The following ANKRD28 variants were observed in gnomAD, a reference collection of about 807,000 sequenced individuals.
ANKRD28 encodes serine/threonine-protein phosphatase 6 regulatory ankyrin repeat subunit A.
ANKRD28 carries 44 observed loss-of-function variants against 126.5 expected under a neutral mutation model. That is an observed-to-expected ratio of 0.35 (90% CI 0.27 to 0.45). The LOEUF (loss-of-function observed/expected upper bound fraction) is 0.45, where lower values mean the gene tolerates loss of function less well. Among genes scored for constraint, ANKRD28 ranks in the 20% least tolerant of loss-of-function variants. The pLI is 1.00. For synonymous variants in ANKRD28, 442 were observed against 468.5 expected (o/e 0.94, Z 0.73); for missense variants, 1,110 against 1,316.6 (o/e 0.84, Z 2.43).
At chr3:15,800,022 G>A (rs192687774), upstream of ANKRD28, among the ~76,000 whole-genome samples, 63 of 152,172 alleles carry the variant, frequency 4.1e-4, no homozygotes, top group East Asian at 0.012. Context: ...TCTCTAATAA[G>A]TGAACAATTA....
rs917524113 is a variant in ANKRD28 at position 15,815,033 on chromosome 3, T to C, written c.28-19727A>G. On this transcript the variant is annotated intron_variant, in intron 1 of 27. Coordinates refer to the ANKRD28 transcript ENST00000399451. This position sits in a 1 kb window ranked among gnomAD's most constrained non-coding sequence, Gnocchi z 4.1. The stretch of plus-strand genomic sequence containing the variant: ...AATATGACATTCCATTCAAAAATAC[T>C]GTATTTAATTTCCTAAGAGTAAATA... Among the ~76,000 whole-genome samples, 5 of 151,554 alleles carry C rather than the reference T, an allele frequency of 3.3e-5. No homozygotes were observed. Among genetic ancestry groups the C allele is most frequent in the African/African-American group, 1.2e-4 (5 of 41,376 alleles).
intron 4 of ANKRD28, among the ~76,000 whole-genome samples, chr3:15,747,741 T>C (rs1489297004): frequency 6.6e-6 from 1 of 152,186 alleles, no homozygotes. Flanking sequence ...AGGTCCATTG[T>C]TTCTTTGTTG....
intron 1 of ANKRD28, among the ~76,000 whole-genome samples, chr3:15,820,135 A>G (rs1487519846): frequency 2.0e-5 from 3 of 152,208 alleles, no homozygotes; most frequent in Admixed American, 6.5e-5. Flanking sequence ...CAACATTTGT[A>G]CAGACTGGTA....
rs1451266363 is a variant in ANKRD28, at chr3:15,833,908, T to C, written c.27+25469A>G. Among the ~76,000 whole-genome samples the C allele has an allele frequency of 1.3e-5, 2 of 152,158 alleles. No individual in the cohort carries two copies. The highest frequency in any genetic ancestry group is 3.8e-4 in the East Asian group (2 of 5,206). ...ATGTCTTCTTTTGGAAAATGTCTGT[T>C]TGTGTTATTTGCCCATTTTTTAATG... On this transcript the variant is annotated intron_variant, in intron 1 of 27. Transcript: ENST00000399451. This position sits in a 1 kb window ranked among gnomAD's most constrained non-coding sequence, Gnocchi z 4.4.
At chr3:15,744,375 G>A (rs925336930) in intron 4 of ANKRD28, among the ~76,000 whole-genome samples, 5 of 151,560 alleles carry the variant, frequency 3.3e-5, no homozygotes, top group East Asian at 1.9e-4. Context: ...GCGCAATGGC[G>A]CGATCTTGGC....
intron 1 of ANKRD28, among the ~76,000 whole-genome samples, chr3:15,826,106 A>G (rs182387679): frequency 5.3e-4 from 80 of 152,330 alleles, no homozygotes; most frequent in African/African-American, 1.8e-3. Context: ...GAGAAACTGT[A>G]CAAAAAAAGA....
chr3:15,747,308 C>T (rs2057542546), intron 4 of ANKRD28, among the ~76,000 whole-genome samples: 1 of 151,876 alleles, frequency 6.6e-6, no homozygotes, highest in South Asian at 2.1e-4. Context: ...TGTGCTCTTT[C>T]AGACTTTTTG....
At chr3:15,785,848 A>T (rs1004074787) in intron 2 of ANKRD28, among the ~76,000 whole-genome samples, 3 of 152,114 alleles carry the variant, frequency 2.0e-5, no homozygotes, top group Non-Finnish European at 4.4e-5. Flanking sequence ...GTACATTCAG[A>T]TAATGGATTA....
chr3:15,796,364 T>C, intron 1 of ANKRD28, 41 bp downstream of exon 1: 1 of 1,158,652 alleles, frequency 8.6e-7, no homozygotes, highest in Non-Finnish European at 1.1e-6. Context: ...ATACTACTAG[T>C]TCAGTAGAAT....
intron 27 of ANKRD28, among the ~76,000 whole-genome samples, chr3:15,675,696 T>A (rs1479134081): frequency 1.3e-5 from 2 of 152,262 alleles, no homozygotes; most frequent in Admixed American, 1.3e-4. Flanking sequence ...CTGTAACAGA[T>A]GATATAGGAA....
chr3:15,741,148 G>A (rs776037603), intron 4 of ANKRD28, among the ~76,000 whole-genome samples: 1 of 151,948 alleles, frequency 6.6e-6, no homozygotes, highest in Non-Finnish European at 1.5e-5. Flanking sequence ...GCAGTGAGCC[G>A]AGATCGCGCC....
At chr3:15,736,028 A>T (rs2074993268) in intron 5 of ANKRD28, among the ~76,000 whole-genome samples, 1 of 152,216 alleles carries the variant, frequency 6.6e-6, no homozygotes, top group African/African-American at 2.4e-5. Context: ...ATAGGGATAC[A>T]TCTGTAACCT....
chr3:15,855,629 G>A (rs115215870), intron 1 of ANKRD28, among the ~76,000 whole-genome samples: 1,944 of 152,186 alleles, frequency 0.013, 18 homozygotes, highest in Non-Finnish European at 0.021. Context: ...CAACAGATTC[G>A]TGCACAACAT....
intron 1 of ANKRD28, among the ~76,000 whole-genome samples, chr3:15,826,979 C>G (rs558325351): frequency 2.2e-4 from 33 of 152,126 alleles, no homozygotes; most frequent in Non-Finnish European, 4.7e-4. Flanking sequence ...AGACATTTCT[C>G]AAATGAAGAC....
rs533377923 is a variant in ANKRD28 at position 15,817,230 on chromosome 3, C to T, written c.28-21924G>A. On this transcript the variant is annotated intron_variant, in intron 1 of 27. Transcript: ENST00000399451. The surrounding 1 kb of genome is among the most constrained non-coding windows in gnomAD (Gnocchi z 4.5). ...TTCTCACGCACAAACATTTCACATA[C>T]TGATGATTTTATCTTGTCAGTAGAA... 1.1e-3 allele frequency among the ~76,000 whole-genome samples: 173 copies of T among 151,872 alleles called. No individual in the cohort carries two copies. The highest frequency in any genetic ancestry group is 4.0e-3 in the African/African-American group (164 of 41,462).
At chr3:15,804,476 CATTCCATGT>C (rs2060535301) in intron 1 of ANKRD28, among the ~76,000 whole-genome samples, 1 of 145,656 alleles carries the variant, frequency 6.9e-6, no homozygotes, top group Non-Finnish European at 1.5e-5. Flanking sequence ...CTAGTTAGAA[CATTCCATGT>C]AAAAACTCTA....
At chr3:15,771,681 A>G (rs1404741207) in intron 2 of ANKRD28, among the ~76,000 whole-genome samples, 1 of 152,150 alleles carries the variant, frequency 6.6e-6, no homozygotes, top group African/African-American at 2.4e-5. Context: ...ATTAGGCTCC[A>G]CCTCCAAGAT....
Position 15,671,578 on chromosome 3 carries a change from G to GTTTTTT in ANKRD28, c.2966-1028_2966-1023dup, listed in dbSNP as rs869032190. Among the ~76,000 whole-genome samples the GTTTTTT allele has an allele frequency of 2.1e-4, 30 of 141,344 alleles. 1 individual carries two copies. Among genetic ancestry groups the GTTTTTT allele is most frequent in the African/African-American group, 7.3e-4 (27 of 36,834 alleles). 92.7% of individuals were successfully genotyped at this position (141,344 alleles called of 152,430 possible). A position where few individuals can be genotyped will look rare whatever the true frequency, so the allele number is the denominator to read the frequency against. ...TCAACTTGGAGTCATAAACACTATA[G>GTTTTTT]TTTTTTTTTTGTTTTTTTTTTTTTG... On this transcript the variant is annotated intron_variant, in intron 27 of 27. Transcript: ENST00000683139.
chr3:15,790,078 C>T (rs1458812682), intron 2 of ANKRD28, among the ~76,000 whole-genome samples: 1 of 151,982 alleles, frequency 6.6e-6, no homozygotes, highest in Non-Finnish European at 1.5e-5. Flanking sequence ...ACATATACAA[C>T]CTACCAAGAT....
Sources: gnomAD v4.1 joint callset for allele counts (sites outside exome capture counted in the v4.1 genomes callset) on GRCh38, gnomAD v4.1.1 for gene constraint, Gnocchi (gnomAD v3.1) non-coding constraint, MANE v1.5 for transcripts, NCBI Gene and HGNC (gene_info 2026-07-23, HGNC 2026-07-21) for gene names.